GRAMD1B: variants seen among roughly 807,000 people sequenced by gnomAD.
GRAMD1B encodes the protein protein Aster-B.
A neutral mutation model predicts 99.7 loss-of-function variants in GRAMD1B; 37 were observed. The observed-to-expected ratio is 0.37, with a 90% confidence interval of 0.29 to 0.49. The LOEUF is 0.49. GRAMD1B is among the 20% of genes least tolerant of loss of function. GRAMD1B has a pLI of 0.98. For synonymous variants in GRAMD1B, 427 were observed against 387.6 expected (o/e 1.10, Z -1.19); for missense variants, 888 against 1,009.2 (o/e 0.88, Z 1.63).
At chr11:123,562,707 C>T (rs758131640) in intron 2 of GRAMD1B, among the ~76,000 whole-genome samples, 3 of 152,118 alleles carry the variant, frequency 2.0e-5, no homozygotes, top group Non-Finnish European at 4.4e-5. Flanking sequence ...TTTAGTGTAA[C>T]CTGAGTTGGG....
intron 2 of GRAMD1B, among the ~76,000 whole-genome samples, chr11:123,483,391 C>CTT (rs67407274): frequency 6.7e-5 from 9 of 134,172 alleles, no homozygotes; most frequent in African/African-American, 2.2e-4. Context: ...TTTTCTTTTT[C>CTT]TTTTTTTTTT....
chr11:123,591,490 A>G lies in GRAMD1B; in HGVS notation c.685-2592A>G, dbSNP rs1207454683. The G allele has an allele frequency of 7.5e-6, 3 of 398,876 alleles. No individual in the cohort carries two copies. The highest frequency in any genetic ancestry group is 1.3e-5 in the Non-Finnish European group (3 of 226,084). The allele number at this position is 398,876 out of a possible 1,614,324, so 24.7% of individuals were successfully genotyped here. On this transcript the variant is annotated intron_variant, in intron 4 of 19. Coordinates refer to ENST00000635736, the MANE Select transcript of GRAMD1B (RefSeq NM_001387025.1). This position sits in a 1 kb window ranked among gnomAD's most constrained non-coding sequence, Gnocchi z 4.7. ...GGTACCTGAAGCAGCTTGGCCATGC[A>G]CCTGCTGCCGCTGAACACCGTTGCT...
intron 2 of GRAMD1B, among the ~76,000 whole-genome samples, chr11:123,577,040 A>T (rs1948776454): frequency 6.6e-6 from 1 of 152,276 alleles, no homozygotes; most frequent in South Asian, 2.1e-4. Flanking sequence ...TAAATTCTAT[A>T]TGCCCCAGAC....
chr11:123,541,369 G>T (rs775976807), intron 2 of GRAMD1B, among the ~76,000 whole-genome samples: 1 of 152,114 alleles, frequency 6.6e-6, no homozygotes, highest in Non-Finnish European at 1.5e-5. Flanking sequence ...ATGAGTACTG[G>T]CTTCCTCCCC....
chr11:123,468,532 G>A (rs1950819319), intron 1 of GRAMD1B, among the ~76,000 whole-genome samples: 4 of 152,092 alleles, frequency 2.6e-5, no homozygotes, highest in Admixed American at 2.6e-4. Flanking sequence ...GGTAGCTCAC[G>A]CCTGTAATCC....
intron 2 of GRAMD1B, among the ~76,000 whole-genome samples, chr11:123,544,026 C>T (rs1944807513): frequency 6.6e-6 from 1 of 152,198 alleles, no homozygotes; most frequent in African/African-American, 2.4e-5. Flanking sequence ...TTCCACAAGA[C>T]TCATGGTGAC....
intron 1 of GRAMD1B, among the ~76,000 whole-genome samples, chr11:123,425,069 C>T (rs1330236572): frequency 6.6e-6 from 1 of 152,228 alleles, no homozygotes; most frequent in Non-Finnish European, 1.5e-5. Context: ...CTAATGCTCA[C>T]AATCACTCCA....
Position 123,606,590 on chromosome 11 carries a change from T to G in GRAMD1B, c.1324-19T>G. On this transcript the variant is annotated intron_variant, in intron 10 of 19. Transcript: ENST00000635736. ...AGACCAGGTTTCCCTGGTGGGTGAC[T>G]CCTCTGTCTTGGCTCCAGTTTGATG... is the stretch of plus-strand genomic sequence containing the variant. The G allele has an allele frequency of 6.3e-7, 1 of 1,599,168 alleles. No individual in the cohort carries two copies. The highest frequency in any genetic ancestry group is 8.5e-7 in the Non-Finnish European group (1 of 1,172,894).
chr11:123,445,246 G>A (rs980818918), intron 1 of GRAMD1B, among the ~76,000 whole-genome samples: 3 of 152,308 alleles, frequency 2.0e-5, no homozygotes, highest in South Asian at 2.1e-4. Context: ...TCTTTTGCCC[G>A]CAGGAATGTC....
chr11:123,469,325 T>C (rs1056935124), intron 1 of GRAMD1B, among the ~76,000 whole-genome samples: 5 of 152,116 alleles, frequency 3.3e-5, no homozygotes, highest in Non-Finnish European at 7.4e-5. Context: ...AGTGTCAGGA[T>C]AGACTGGAGT....
At chr11:123,592,081 A>AG (rs1304111431) in intron 4 of GRAMD1B, among the ~76,000 whole-genome samples, 1 of 152,166 alleles carries the variant, frequency 6.6e-6, no homozygotes, top group Non-Finnish European at 1.5e-5. Flanking sequence ...TTGGGGCTTC[A>AG]GGGGGTTGGA....
intron 1 of GRAMD1B, among the ~76,000 whole-genome samples, chr11:123,455,944 CGG>C (rs1950097580): frequency 6.6e-6 from 1 of 151,970 alleles, no homozygotes; most frequent in South Asian, 2.1e-4. Flanking sequence ...CCAAGGTGGG[CGG>C]ATCATTTGAG....
At chr11:123,538,388 A>G (rs1308806790) in intron 2 of GRAMD1B, among the ~76,000 whole-genome samples, 1 of 152,008 alleles carries the variant, frequency 6.6e-6, no homozygotes, top group East Asian at 1.9e-4. Flanking sequence ...CCCCTTTTGA[A>G]AACAGCTTCA....
intron 2 of GRAMD1B, among the ~76,000 whole-genome samples, chr11:123,507,333 AT>A (rs1273511134): frequency 3.3e-4 from 51 of 152,314 alleles, no homozygotes; most frequent in African/African-American, 1.1e-3. Context: ...GCAAAGCCTC[AT>A]GGCTTTTCAA....
chr11:123,514,613 G>C (rs1431183440), intron 2 of GRAMD1B, among the ~76,000 whole-genome samples: 2 of 152,176 alleles, frequency 1.3e-5, no homozygotes, highest in Non-Finnish European at 2.9e-5. Flanking sequence ...CTGGTGCTTA[G>C]GATGCATGTG....
At chr11:123,621,634 G>A (rs911828136) in intron 19 of GRAMD1B, among the ~76,000 whole-genome samples, 3 of 152,204 alleles carry the variant, frequency 2.0e-5, no homozygotes, top group African/African-American at 7.2e-5. Context: ...ACTGGAATAG[G>A]CAAGAGCACA....
Position 123,612,801 on chromosome 11 carries a change from T to A in GRAMD1B, c.1960T>A (p.Leu654Ile). 6 of 1,611,870 alleles carry A rather than the reference T, an allele frequency of 3.7e-6. No individual in the cohort carries two copies. The highest frequency in any genetic ancestry group is 5.1e-6 in the Non-Finnish European group (6 of 1,178,784). Residue 654 changes from leucine to isoleucine, a missense_variant, in exon 15 of 20, where the codon TTA becomes ATA. Leu to Ile is a conservative substitution (Grantham distance 5, BLOSUM62 2). Coordinates refer to ENST00000635736, the MANE Select transcript of GRAMD1B (RefSeq NM_001387025.1). ...ELRYRKQPWG[L>I]VKTFIEKNFW... Reference sequence around the variant, plus strand: ...GCGCTATCGAAAACAGCCCTGGGGGTTAGTGAAAACGTTCATCGAGAAGAA... The same window carrying A: ...GCGCTATCGAAAACAGCCCTGGGGGATAGTGAAAACGTTCATCGAGAAGAA...
chr11:123,447,417 G>A (rs1949691540), intron 1 of GRAMD1B, among the ~76,000 whole-genome samples: 1 of 152,144 alleles, frequency 6.6e-6, no homozygotes, highest in Non-Finnish European at 1.5e-5. Context: ...TGTTTCTCAG[G>A]GAGCCCATAT....
intron 1 of GRAMD1B, among the ~76,000 whole-genome samples, chr11:123,373,035 A>G (rs1243613232): frequency 6.6e-6 from 1 of 152,186 alleles, no homozygotes; most frequent in Non-Finnish European, 1.5e-5. Flanking sequence ...GCTCCTCAGG[A>G]GGCTGAGGCA....
Sources: allele counts gnomAD v4.1 joint callset (sites outside exome capture counted in the v4.1 genomes callset), GRCh38; gene constraint gnomAD v4.1.1; non-coding constraint Gnocchi (gnomAD v3.1); transcripts MANE v1.5; gene names NCBI Gene and HGNC (gene_info 2026-07-23, HGNC 2026-07-21).